LRMDA: variants seen among roughly 807,000 people sequenced by gnomAD.
LRMDA encodes the protein leucine-rich melanocyte differentiation-associated protein.
In LRMDA, 18 loss-of-function variants were observed where a neutral mutation model predicts 29.8. The ratio of observed to expected loss-of-function variants is 0.60; its 90% CI spans 0.42 to 0.90. The LOEUF is 0.90. Ranked by LOEUF, LRMDA falls within the 40% of genes least tolerant of loss-of-function variation. LRMDA has a pLI of 0.00. For synonymous variants in LRMDA, 125 were observed against 109.4 expected (o/e 1.14, Z -0.89); for missense variants, 273 against 273.9 (o/e 1.00, Z 0.02).
intron 6 of LRMDA, among the ~76,000 whole-genome samples, chr10:76,509,358 AG>A (rs1348690505): frequency 6.6e-6 from 1 of 152,166 alleles, no homozygotes; most frequent in Non-Finnish European, 1.5e-5. Flanking sequence ...TTGGGAGAAC[AG>A]GCGTGACTCT....
Position 75,666,861 on chromosome 10 carries a change from G to A in LRMDA, c.131+228367G>A, listed in dbSNP as rs577335129. Among the ~76,000 whole-genome samples, 9 of 152,226 alleles carry A rather than the reference G, an allele frequency of 5.9e-5. No individual in the cohort carries two copies. In the South Asian group the frequency reaches 1.9e-3, roughly 32 times the overall value. The stretch of plus-strand genomic sequence containing the variant: ...TTTAAAATTCATAATTAGGACCTAA[G>A]CTTAAAATTATAAAATTCACCTATC... On this transcript the variant is annotated intron_variant, in intron 2 of 6. Coordinates refer to ENST00000611255, the MANE Select transcript of LRMDA (RefSeq NM_001305581.2).
At chr10:76,161,887 C>T (rs1345499014) in intron 5 of LRMDA, among the ~76,000 whole-genome samples, 3 of 152,302 alleles carry the variant, frequency 2.0e-5, no homozygotes, top group South Asian at 2.1e-4. Context: ...AGATTCTGCT[C>T]GCTCTGTTTT....
intron 5 of LRMDA, among the ~76,000 whole-genome samples, chr10:76,139,154 A>G (rs757695064): frequency 2.0e-5 from 3 of 152,200 alleles, no homozygotes; most frequent in Admixed American, 6.6e-5. Context: ...CACAGCAATT[A>G]AACTCACTGT....
intron 2 of LRMDA, among the ~76,000 whole-genome samples, chr10:75,575,475 G>A (rs1701087043): frequency 6.6e-6 from 1 of 152,148 alleles, no homozygotes; most frequent in South Asian, 2.1e-4. Flanking sequence ...TAGGCATTGG[G>A]TAAATACTCC....
rs935827980 is a variant in LRMDA, at chr10:76,214,445, C to T, written c.517-109956C>T. On this transcript the variant is annotated intron_variant, in intron 5 of 6. Transcript: ENST00000611255. ...CTGTAAGCTCCGCTTCCCAGGTTCA[C>T]GCCATTCTCCTGCCTCAGCCTCCCG... Among the ~76,000 whole-genome samples the T allele has an allele frequency of 4.0e-5, 6 of 149,780 alleles. No homozygotes were observed. The East Asian group carries it at 8.0e-4, about 20-fold the overall frequency.
At chr10:75,769,314 G>A (rs536884919) in intron 2 of LRMDA, among the ~76,000 whole-genome samples, 16 of 152,320 alleles carry the variant, frequency 1.1e-4, no homozygotes, top group African/African-American at 3.4e-4. Flanking sequence ...ATTAAGAAGT[G>A]TGAAAATCTC....
chr10:75,722,163 C>A (rs1842576336), intron 2 of LRMDA, among the ~76,000 whole-genome samples: 1 of 152,224 alleles, frequency 6.6e-6, no homozygotes, highest in Non-Finnish European at 1.5e-5. Flanking sequence ...ATGAAATAAT[C>A]AATGCCACTA....
At chr10:75,910,663 G>A (rs1488214393) in intron 2 of LRMDA, among the ~76,000 whole-genome samples, 1 of 152,170 alleles carries the variant, frequency 6.6e-6, no homozygotes, top group Non-Finnish European at 1.5e-5. Context: ...TGCTCAAGAT[G>A]TCAGCTGGGA....
chr10:75,932,122 T>C (rs780933688), intron 2 of LRMDA, among the ~76,000 whole-genome samples: 4 of 152,234 alleles, frequency 2.6e-5, no homozygotes, highest in Non-Finnish European at 5.9e-5. Context: ...AGCTTGATTA[T>C]ATTAGTACAT....
At chr10:76,465,510 A>G (rs1042558654) in intron 6 of LRMDA, among the ~76,000 whole-genome samples, 6 of 152,180 alleles carry the variant, frequency 3.9e-5, no homozygotes, top group Admixed American at 2.0e-4. Flanking sequence ...GTTAATTTCA[A>G]TACAACTACC....
intron 6 of LRMDA, among the ~76,000 whole-genome samples, chr10:76,470,811 T>C (rs1260793500): frequency 6.6e-6 from 1 of 151,746 alleles, no homozygotes; most frequent in African/African-American, 2.4e-5. Flanking sequence ...AGGTACAGAA[T>C]TGCTTTTGGG....
intron 2 of LRMDA, among the ~76,000 whole-genome samples, chr10:75,558,525 A>G (rs1564800203): frequency 6.6e-6 from 1 of 151,560 alleles, no homozygotes; most frequent in African/African-American, 2.4e-5. Flanking sequence ...TTGTATTTTT[A>G]TTTTTTTGTT....
intron 2 of LRMDA, among the ~76,000 whole-genome samples, chr10:75,993,922 T>C (rs1847415236): frequency 6.6e-6 from 1 of 152,096 alleles, no homozygotes; most frequent in African/African-American, 2.4e-5. Flanking sequence ...TTCTTTTTGA[T>C]CAAAATTAAA....
At chr10:75,587,243 A>C (rs938632519) in intron 2 of LRMDA, among the ~76,000 whole-genome samples, 1 of 152,222 alleles carries the variant, frequency 6.6e-6, no homozygotes, top group African/African-American at 2.4e-5. Flanking sequence ...ATTTAGGCTA[A>C]ACAGAAATTT....
chr10:76,535,437 A>G (rs1457807178), intron 6 of LRMDA, among the ~76,000 whole-genome samples: 1 of 136,998 alleles, frequency 7.3e-6, no homozygotes, highest in African/African-American at 2.9e-5. Flanking sequence ...AAATGATCAT[A>G]ATCTTTTGTT....
chr10:75,588,978 T>C (rs1434715714), intron 2 of LRMDA, among the ~76,000 whole-genome samples: 1 of 152,272 alleles, frequency 6.6e-6, no homozygotes, highest in Non-Finnish European at 1.5e-5. Context: ...TTACATTTTA[T>C]GGATTTATCC....
rs5786203 is a variant in LRMDA at position 75,928,287 on chromosome 10, G to GTTT, written c.132-107712_132-107710dup. Reference sequence around the variant, plus strand: ...TATGATTATTATTTTTTAGTTTTGGGTTTTTTTTTTTACACTTTGAGAAGA... The same window carrying GTTT: ...TATGATTATTATTTTTTAGTTTTGGGTTTTTTTTTTTTTTACACTTTGAGAAGA... On this transcript the variant is annotated intron_variant, in intron 2 of 6. Coordinates refer to ENST00000611255, the MANE Select transcript of LRMDA (RefSeq NM_001305581.2). Among the ~76,000 whole-genome samples the GTTT allele has an allele frequency of 3.7e-3, 549 of 146,916 alleles. 3 individuals carry two copies. Among genetic ancestry groups the GTTT allele is most frequent in the African/African-American group, 0.012 (500 of 40,256 alleles).
intron 5 of LRMDA, among the ~76,000 whole-genome samples, chr10:76,293,001 C>T (rs781225558): frequency 5.3e-5 from 8 of 152,164 alleles, no homozygotes; most frequent in East Asian, 3.8e-4. Flanking sequence ...TGGATTCTTG[C>T]TCTGTCACCC....
intron 6 of LRMDA, among the ~76,000 whole-genome samples, chr10:76,464,517 A>G (rs1218338173): frequency 6.6e-6 from 1 of 152,198 alleles, no homozygotes; most frequent in Admixed American, 6.5e-5. Context: ...TACACACTGG[A>G]CAATTTAACT....
Sources: gnomAD v4.1 joint callset for allele counts (sites outside exome capture counted in the v4.1 genomes callset) on GRCh38, gnomAD v4.1.1 for gene constraint, MANE v1.5 for transcripts, NCBI Gene and HGNC (gene_info 2026-07-23, HGNC 2026-07-21) for gene names.